Variants in ST6GAL1 observed in about 807,000 individuals in gnomAD.
ST6GAL1 encodes the protein beta-galactoside alpha-2,6-sialyltransferase 1.
In ST6GAL1, 20 loss-of-function variants were observed where a neutral mutation model predicts 38.0. The ratio of observed to expected loss-of-function variants is 0.53; its 90% CI spans 0.37 to 0.77. ST6GAL1 has a LOEUF of 0.77. Among genes scored for constraint, ST6GAL1 ranks in the 30% least tolerant of loss-of-function variants. The pLI, the probability that ST6GAL1 is intolerant of heterozygous loss-of-function variation, is 0.00. For missense variants in ST6GAL1, 432 were observed against 496.4 expected (o/e 0.87, Z 1.23); for synonymous variants, 196 against 188.2 (o/e 1.04, Z -0.34).
At chr3:187,028,485 A>G (rs1448013999) in intron 2 of ST6GAL1, among the ~76,000 whole-genome samples, 1 of 152,166 alleles carries the variant, frequency 6.6e-6, no homozygotes, top group African/African-American at 2.4e-5. Context: ...TGCTGAATCT[A>G]TTTTTTGGCT....
intron 1 of ST6GAL1, among the ~76,000 whole-genome samples, chr3:186,940,011 CAAAT>C (rs1361031988): frequency 2.0e-5 from 3 of 152,174 alleles, no homozygotes; most frequent in African/African-American, 7.2e-5. Flanking sequence ...ATTTTTGACT[CAAAT>C]AAAATAGGAA....
intron 5 of ST6GAL1, 93 bp downstream of exon 5, chr3:187,051,439 C>A: frequency 8.8e-7 from 1 of 1,136,312 alleles, no homozygotes; most frequent in Non-Finnish European, 1.3e-6. Flanking sequence ...ATCTAGGCTG[C>A]CAATTAAGTC....
intron 4 of ST6GAL1, among the ~76,000 whole-genome samples, chr3:187,044,216 C>A (rs1437077274): frequency 1.3e-5 from 2 of 152,152 alleles, no homozygotes; most frequent in African/African-American, 4.8e-5. Flanking sequence ...TAACAGAGAG[C>A]CTTATTTCTC....
At chr3:187,023,054 ACCT>A (rs1279025780) in intron 2 of ST6GAL1, among the ~76,000 whole-genome samples, 1 of 151,860 alleles carries the variant, frequency 6.6e-6, no homozygotes, top group Non-Finnish European at 1.5e-5. Flanking sequence ...TGAGGGTGTA[ACCT>A]CCTTTCTGTC....
chr3:187,015,618 G>T (rs1717089487), intron 2 of ST6GAL1, among the ~76,000 whole-genome samples: 1 of 152,090 alleles, frequency 6.6e-6, no homozygotes. Flanking sequence ...TGGGTGGACT[G>T]GTTGAGCCCA....
At chr3:186,974,116 C>T (rs551051249) in intron 2 of ST6GAL1, among the ~76,000 whole-genome samples, 4 of 152,182 alleles carry the variant, frequency 2.6e-5, no homozygotes, top group Non-Finnish European at 5.9e-5. Flanking sequence ...TGGGGTTTGA[C>T]TCTCTAGCTT....
intron 2 of ST6GAL1, among the ~76,000 whole-genome samples, chr3:186,981,721 A>G (rs917672909): frequency 1.3e-5 from 2 of 152,176 alleles, no homozygotes; most frequent in Non-Finnish European, 2.9e-5. Flanking sequence ...GAGCTGGGAG[A>G]AAGACTCAAC....
chr3:187,016,933 T>C (rs1005310256), intron 2 of ST6GAL1, among the ~76,000 whole-genome samples: 3 of 152,138 alleles, frequency 2.0e-5, no homozygotes, highest in African/African-American at 4.8e-5. Flanking sequence ...CAAGGGTGAT[T>C]AGCTCTTTCT....
At chr3:187,033,142 G>T (rs1178704802) in intron 2 of ST6GAL1, among the ~76,000 whole-genome samples, 1 of 152,190 alleles carries the variant, frequency 6.6e-6, no homozygotes, top group Non-Finnish European at 1.5e-5. Context: ...GGCTAGGCGT[G>T]GGGGCTCACG....
intron 2 of ST6GAL1, among the ~76,000 whole-genome samples, chr3:187,015,910 C>T (rs1303327718): frequency 2.6e-5 from 4 of 152,122 alleles, no homozygotes; most frequent in African/African-American, 4.8e-5. Flanking sequence ...AAACCTTGGC[C>T]CTGCCATTTA....
At position 186,945,793 on chromosome 3, in the gene ST6GAL1, T is replaced by C. The variant is rs1714338714; in HGVS notation, c.-325+14959T>C. 4.1e-5 allele frequency among the ~76,000 whole-genome samples: 6 copies of C among 146,468 alleles called. No individual in the cohort carries two copies. In the Admixed American group the frequency reaches 4.1e-4, roughly 10 times the overall value. On this transcript the variant is annotated intron_variant, in intron 1 of 7. Coordinates refer to ENST00000169298, the MANE Select transcript of ST6GAL1 (RefSeq NM_173216.2). Reference sequence around the variant, plus strand: ...CGAGATCAGGAGATCGAGACCATCCTGGCTAACACAGTGAAACCCTGTCTC... The same window carrying C: ...CGAGATCAGGAGATCGAGACCATCCCGGCTAACACAGTGAAACCCTGTCTC...
At chr3:187,041,585 G>C (rs1718125199) in intron 3 of ST6GAL1, among the ~76,000 whole-genome samples, 1 of 152,180 alleles carries the variant, frequency 6.6e-6, no homozygotes, top group Non-Finnish European at 1.5e-5. Flanking sequence ...CTATTTTCCA[G>C]AGCTTCTTGC....
intron 2 of ST6GAL1, among the ~76,000 whole-genome samples, chr3:187,031,042 G>A (rs1038821462): frequency 5.3e-5 from 8 of 152,174 alleles, no homozygotes; most frequent in South Asian, 2.1e-4. Context: ...ACATTTCCTA[G>A]TTGTGGCCCA....
intron 2 of ST6GAL1, among the ~76,000 whole-genome samples, chr3:186,972,246 ACTTT>A (rs1715374785): frequency 6.7e-6 from 1 of 148,862 alleles, no homozygotes; most frequent in Non-Finnish European, 1.5e-5. Context: ...CTACTTTCTT[ACTTT>A]CTTTTTTTTT....
At chr3:187,052,828 GAGTCAAATGGTATTTCT>G (rs1471601835) in intron 5 of ST6GAL1, among the ~76,000 whole-genome samples, 2 of 152,194 alleles carry the variant, frequency 1.3e-5, no homozygotes, top group Non-Finnish European at 2.9e-5. Context: ...TGGGATGGCT[GAGTCAAATGGTATTTCT>G]AGTTCTAGAT....
intron 2 of ST6GAL1, among the ~76,000 whole-genome samples, chr3:187,027,088 TAAAC>T (rs920374953): frequency 1.3e-4 from 20 of 151,090 alleles, no homozygotes; most frequent in African/African-American, 2.7e-4. Context: ...AAAAATAAAA[TAAAC>T]AAATAAATAA....
At chr3:186,978,730 G>A (rs924295304) in intron 2 of ST6GAL1, among the ~76,000 whole-genome samples, 14 of 152,138 alleles carry the variant, frequency 9.2e-5, no homozygotes, top group African/African-American at 3.4e-4. Context: ...TTGCTTGCAG[G>A]ATAAATTGGG....
In ST6GAL1 at chr3:186,984,829, C is replaced by T. The variant is rs1486958122; in HGVS notation, c.-183+20903C>T. Among the ~76,000 whole-genome samples the T allele has an allele frequency of 3.8e-3, 173 of 45,648 alleles. 6 individuals carry two copies. Among genetic ancestry groups the T allele is most frequent in the Middle Eastern group, 0.013 (1 of 78 alleles). 29.9% of individuals were successfully genotyped at this position (45,648 alleles called of 152,430 possible). A position where few individuals can be genotyped will look rare whatever the true frequency, so the allele number is the denominator to read the frequency against. Reference sequence around the variant, plus strand: ...CATCCTTCCTTCCTTCCTTCCTTCCCTCCCTCCCTCCCTCCCTCCTTCCTT... The same window carrying T: ...CATCCTTCCTTCCTTCCTTCCTTCCTTCCCTCCCTCCCTCCCTCCTTCCTT... On this transcript the variant is annotated intron_variant, in intron 2 of 7. Coordinates refer to ENST00000169298, the MANE Select transcript of ST6GAL1 (RefSeq NM_173216.2).
At chr3:187,025,525 T>C (rs1011317626) in intron 2 of ST6GAL1, 2 of 152,382 alleles carry the variant, frequency 1.3e-5, no homozygotes, top group Non-Finnish European at 2.9e-5. Context: ...GTGGTGAGCA[T>C]GTGGGAGATG....
Sources: allele counts gnomAD v4.1 joint callset (sites outside exome capture counted in the v4.1 genomes callset), GRCh38; gene constraint gnomAD v4.1.1; transcripts MANE v1.5; gene names NCBI Gene and HGNC (gene_info 2026-07-23, HGNC 2026-07-21).